The following SLC24A2 variants were observed in gnomAD, a reference collection of about 807,000 sequenced individuals.
SLC24A2 encodes the protein sodium/potassium/calcium exchanger 2.
In SLC24A2, 36 loss-of-function variants were observed where a neutral mutation model predicts 62.0. The observed-to-expected ratio is 0.58, with a 90% CI of 0.44 to 0.77. The LOEUF (loss-of-function observed/expected upper bound fraction) is 0.77. Among genes scored for constraint, SLC24A2 ranks in the 30% least tolerant of loss-of-function variants. The pLI is 0.00. For missense variants in SLC24A2, 846 were observed against 817.9 expected (o/e 1.03, Z -0.42); for synonymous variants, 358 against 294.0 (o/e 1.22, Z -2.23).
chr9:19,722,627 G>C (rs374898272), intron 2 of SLC24A2, among the ~76,000 whole-genome samples: 2 of 147,018 alleles, frequency 1.4e-5, no homozygotes, highest in East Asian at 4.1e-4. Flanking sequence ...ATGTGAATTA[G>C]GTTCTCTGGG....
chr9:19,699,678 A>T (rs1295606474), intron 2 of SLC24A2, among the ~76,000 whole-genome samples: 1 of 152,216 alleles, frequency 6.6e-6, no homozygotes, highest in Non-Finnish European at 1.5e-5. Flanking sequence ...ACTGGAAAGA[A>T]ATGTATCAAA....
chr9:20,215,153 G>T, the SLC24A2 span, among the ~76,000 whole-genome samples: 1 of 152,218 alleles, frequency 6.6e-6, no homozygotes, highest in Non-Finnish European at 1.5e-5. Flanking sequence ...CATAGATGGT[G>T]CCTTCTCACT....
chr9:20,162,940 A>C, the SLC24A2 span, among the ~76,000 whole-genome samples: 22 of 152,000 alleles, frequency 1.4e-4, no homozygotes, highest in African/African-American at 4.8e-4. Context: ...ACTCTTCATG[A>C]TAAAAACTCT....
At chr9:20,076,861 G>A in the SLC24A2 span, among the ~76,000 whole-genome samples, 2 of 105,834 alleles carry the variant, frequency 1.9e-5, no homozygotes, top group Non-Finnish European at 3.7e-5. Flanking sequence ...CATATCATAT[G>A]TATATATATA....
At chr9:19,904,990 C>A in the SLC24A2 span, among the ~76,000 whole-genome samples, 4 of 152,092 alleles carry the variant, frequency 2.6e-5, no homozygotes, top group Non-Finnish European at 4.4e-5. Context: ...AAAAGGATCA[C>A]TGGGTCTCAA....
chr9:19,737,295 A>C, intron 2 of SLC24A2, among the ~76,000 whole-genome samples: 1 of 152,220 alleles, frequency 6.6e-6, no homozygotes. Context: ...ATATATCTTC[A>C]TGGTAACAAA....
chr9:20,037,254 T>C, the SLC24A2 span, among the ~76,000 whole-genome samples: 1 of 152,182 alleles, frequency 6.6e-6, no homozygotes, highest in Non-Finnish European at 1.5e-5. Context: ...AAAGACTATG[T>C]AAATATTGTT....
the SLC24A2 span, among the ~76,000 whole-genome samples, chr9:20,009,645 G>A: frequency 6.6e-6 from 1 of 152,172 alleles, no homozygotes; most frequent in African/African-American, 2.4e-5. Context: ...GTAATGACCA[G>A]AGAAAGGAAC....
chr9:19,786,233 C>A lies in SLC24A2; in HGVS notation c.634G>T (p.Ala212Ser). 6.2e-7 allele frequency: 1 copy of A among 1,614,108 alleles called. No homozygotes were observed. The highest frequency in any genetic ancestry group is 8.5e-7 in the Non-Finnish European group (1 of 1,180,020). ...NVGIGTIVGS[A>S]VFNILFVIGM... ...ATAACAAAGAGGATGTTGAATACTG[C>A]TGAACCTACAATTGTGCCTATGCCA... The change falls in exon 2 of 11, where the codon GCA becomes TCA. Residue 212 changes from alanine (A) to serine (S), a missense_variant. Transcript: ENST00000341998. This position sits in a 1 kb window ranked among gnomAD's most constrained non-coding sequence, Gnocchi z 5.0.
intron 2 of SLC24A2, among the ~76,000 whole-genome samples, chr9:19,719,412 T>A (rs973446233): frequency 1.3e-5 from 2 of 152,194 alleles, no homozygotes; most frequent in Non-Finnish European, 2.9e-5. Context: ...TTTTGCTTTA[T>A]CTGAGTTCTT....
At chr9:19,961,841 C>G in the SLC24A2 span, among the ~76,000 whole-genome samples, 1 of 152,210 alleles carries the variant, frequency 6.6e-6, no homozygotes, top group Non-Finnish European at 1.5e-5. Flanking sequence ...ACTAAAGCCT[C>G]CCACCTACAG....
intron 4 of SLC24A2, among the ~76,000 whole-genome samples, chr9:19,598,554 C>T (rs556817164): frequency 6.6e-6 from 1 of 151,994 alleles, no homozygotes; most frequent in Admixed American, 6.6e-5. Flanking sequence ...GCTGCCTATT[C>T]TGGACACATT....
At chr9:19,878,872 TC>T in the SLC24A2 span, among the ~76,000 whole-genome samples, 1 of 151,934 alleles carries the variant, frequency 6.6e-6, no homozygotes, top group African/African-American at 2.4e-5. Context: ...ATAATCTCCT[TC>T]CCCTTCTCCC....
chr9:19,780,872 CA>C (rs373405657), intron 2 of SLC24A2, among the ~76,000 whole-genome samples: 2,010 of 36,226 alleles, frequency 0.055, 17 homozygotes, highest in African/African-American at 0.15. Flanking sequence ...GACTCCGTCT[CA>C]AAAAAAAAAA....
chr9:19,886,430 A>G, the SLC24A2 span, among the ~76,000 whole-genome samples: 1 of 152,144 alleles, frequency 6.6e-6, no homozygotes, highest in Non-Finnish European at 1.5e-5. Flanking sequence ...GAAGACATTT[A>G]TATGGCAAAC....
the SLC24A2 span, among the ~76,000 whole-genome samples, chr9:19,886,124 T>C: frequency 2.0e-5 from 3 of 152,196 alleles, no homozygotes; most frequent in African/African-American, 4.8e-5. Context: ...AATAATACGA[T>C]TGCTGGGTCG....
intron 2 of SLC24A2, among the ~76,000 whole-genome samples, chr9:19,762,590 G>A (rs576496449): frequency 2.0e-5 from 3 of 152,044 alleles, no homozygotes; most frequent in African/African-American, 7.2e-5. Flanking sequence ...GCTTGTTTTT[G>A]TCACATTTGT....
intron 8 of SLC24A2, among the ~76,000 whole-genome samples, chr9:19,549,635 C>G (rs1043079486): frequency 6.6e-6 from 1 of 152,194 alleles, no homozygotes; most frequent in Non-Finnish European, 1.5e-5. Context: ...CCCAGCTGAG[C>G]CTAACCTTTG....
chr9:19,604,233 G>C (rs1217801733), intron 4 of SLC24A2, among the ~76,000 whole-genome samples: 1 of 152,098 alleles, frequency 6.6e-6, no homozygotes, highest in East Asian at 1.9e-4. Flanking sequence ...CTGGCTTATA[G>C]TGTCTCTATG....
Sources: gnomAD v4.1 joint callset for allele counts (sites outside exome capture counted in the v4.1 genomes callset) on GRCh38, gnomAD v4.1.1 for gene constraint, Gnocchi (gnomAD v3.1) non-coding constraint, MANE v1.5 for transcripts, NCBI Gene and HGNC (gene_info 2026-07-23, HGNC 2026-07-21) for gene names.